Variants in NFIB observed in about 807,000 individuals in gnomAD.
NFIB encodes the protein nuclear factor 1 B-type.
NFIB carries 11 observed loss-of-function variants against 61.5 expected under a neutral mutation model. The ratio of observed to expected loss-of-function variants is 0.18; its 90% CI spans 0.11 to 0.30. NFIB has a LOEUF of 0.30. NFIB is among the 10% of genes least tolerant of loss of function. The pLI is 1.00. For synonymous variants in NFIB, 260 were observed against 216.5 expected, an observed-to-expected ratio of 1.20 and a Z score of -1.76; for missense variants, 471 against 608.9, an observed-to-expected ratio of 0.77 and a Z score of 2.38.
chr9:14,143,804 G>C (rs1272635454), intron 6 of NFIB, among the ~76,000 whole-genome samples: 1 of 152,024 alleles, frequency 6.6e-6, no homozygotes, highest in Non-Finnish European at 1.5e-5. Context: ...AACAACCATT[G>C]GGCATTTTAT....
At chr9:14,486,024 C>T in the NFIB span, among the ~76,000 whole-genome samples, 1 of 152,092 alleles carries the variant, frequency 6.6e-6, no homozygotes, top group African/African-American at 2.4e-5. Flanking sequence ...TAGAGTCTTA[C>T]GGACACACAC....
At chr9:14,145,013 T>G (rs1051253879) in intron 6 of NFIB, among the ~76,000 whole-genome samples, 2 of 152,074 alleles carry the variant, frequency 1.3e-5, no homozygotes, top group Non-Finnish European at 2.9e-5. Flanking sequence ...GGATCTGAAG[T>G]AGGGGAATAA....
the NFIB span, among the ~76,000 whole-genome samples, chr9:14,409,746 AG>A: frequency 1.3e-5 from 2 of 152,230 alleles, no homozygotes; most frequent in Non-Finnish European, 2.9e-5. Flanking sequence ...AATCACACAA[AG>A]AAAAGAACTT....
At chr9:14,208,165 C>T (rs1328855352) in intron 2 of NFIB, among the ~76,000 whole-genome samples, 1 of 152,116 alleles carries the variant, frequency 6.6e-6, no homozygotes, top group East Asian at 1.9e-4. Flanking sequence ...ATTTTAATGA[C>T]CTCAGGGTAG....
the NFIB span, among the ~76,000 whole-genome samples, chr9:14,458,555 T>A: frequency 1.2e-3 from 181 of 152,258 alleles, no homozygotes; most frequent in African/African-American, 4.2e-3. Flanking sequence ...GGCATTCAAT[T>A]AGGAAAAGAG....
intron 1 of NFIB, among the ~76,000 whole-genome samples, chr9:14,339,988 A>G (rs1358782573): frequency 6.6e-6 from 1 of 152,212 alleles, no homozygotes; most frequent in African/African-American, 2.4e-5. Context: ...AGGCTGGAGT[A>G]TATAGAGTTT....
chr9:14,182,620 C>G (rs1205941646), intron 2 of NFIB, among the ~76,000 whole-genome samples: 2 of 149,672 alleles, frequency 1.3e-5, no homozygotes, highest in East Asian at 3.9e-4. Flanking sequence ...CCACCTAGGT[C>G]AAATTACTCT....
intron 2 of NFIB, among the ~76,000 whole-genome samples, chr9:14,225,001 C>T (rs553025002): frequency 2.0e-5 from 3 of 152,218 alleles, no homozygotes; most frequent in South Asian, 2.1e-4. Context: ...TAGTCCTCAA[C>T]TTTTGCATTA....
At chr9:14,194,261 A>C (rs1047854058) in intron 2 of NFIB, among the ~76,000 whole-genome samples, 2 of 152,214 alleles carry the variant, frequency 1.3e-5, no homozygotes, top group African/African-American at 4.8e-5. Context: ...TTCACTTTTT[A>C]TGTTTTCCCA....
chr9:14,223,197 C>T (rs1005921219), intron 2 of NFIB, among the ~76,000 whole-genome samples: 2 of 152,178 alleles, frequency 1.3e-5, no homozygotes, highest in African/African-American at 4.8e-5. Context: ...TAAATAAAAG[C>T]TCAGGGAGGG....
At chr9:14,325,671 A>T (rs1212333279) in intron 1 of NFIB, among the ~76,000 whole-genome samples, 1 of 152,094 alleles carries the variant, frequency 6.6e-6, no homozygotes, top group Non-Finnish European at 1.5e-5. Context: ...TATATTATTA[A>T]AGGGTACACA....
intron 2 of NFIB, among the ~76,000 whole-genome samples, chr9:14,250,638 C>T (rs1049018779): frequency 5.9e-5 from 9 of 152,138 alleles, no homozygotes; most frequent in African/African-American, 1.9e-4. Context: ...GAGAGTATGC[C>T]TTAGGAAATA....
At chr9:14,112,903 G>A in intron 10 of NFIB, 96 bp downstream of exon 10, 2 of 1,149,666 alleles carry the variant, frequency 1.7e-6, no homozygotes, top group Non-Finnish European at 2.5e-6. Context: ...AGAAGCCCCG[G>A]GAGCCCCCTT....
At chr9:14,265,736 G>C (rs1033496214) in intron 2 of NFIB, among the ~76,000 whole-genome samples, 12 of 152,136 alleles carry the variant, frequency 7.9e-5, no homozygotes, top group Non-Finnish European at 1.8e-4. Context: ...AACATGTATT[G>C]AGCATCACCT....
At chr9:14,398,747 G>T in exon 1 of NFIB, 1 of 665,086 alleles carries the variant, frequency 1.5e-6, no homozygotes, top group Non-Finnish European at 2.5e-6. Context: ...TCATAGGAAT[G>T]AACAGGCAGA....
At chr9:14,228,092 A>G (rs1400128034) in intron 2 of NFIB, among the ~76,000 whole-genome samples, 2 of 152,164 alleles carry the variant, frequency 1.3e-5, no homozygotes, top group Non-Finnish European at 2.9e-5. Context: ...AGTAGAAGGA[A>G]TCTAAAGCTA....
chr9:14,180,669 C>G (rs906313507), intron 2 of NFIB: 2 of 152,148 alleles, frequency 1.3e-5, no homozygotes, highest in Admixed American at 1.3e-4. Context: ...TTGCGAGTTG[C>G]TTTGTAATCT....
chr9:14,168,928 C>T (rs999325654), intron 3 of NFIB, among the ~76,000 whole-genome samples: 3 of 152,178 alleles, frequency 2.0e-5, no homozygotes, highest in Non-Finnish European at 4.4e-5. Flanking sequence ...TATAAGGTAA[C>T]ATTATTCATG....
rs1268485383 is a variant in NFIB at position 14,084,576 on chromosome 9, A to AAG, written c.*3732_*3733insCT. 1.3e-5 allele frequency: 3 copies of AAG among 228,290 alleles called. No homozygotes were observed. The highest frequency in any genetic ancestry group is 6.7e-5 in the African/African-American group (3 of 45,016). 14.1% of individuals were successfully genotyped at this position (228,290 alleles called of 1,614,324 possible). A position where few individuals can be genotyped will look rare whatever the true frequency, so the allele number is the denominator to read the frequency against. ...TCACTCCAGGGGTAACACGCTTCAG[A>AAG]GGCACTGTGAGTGGTGGGTGGCAGG... On this transcript the variant is annotated 3_prime_UTR_variant, in exon 11 of 11. Coordinates refer to ENST00000380953, the MANE Select transcript of NFIB (RefSeq NM_001190737.2).
Sources: allele counts gnomAD v4.1 joint callset (sites outside exome capture counted in the v4.1 genomes callset), GRCh38; gene constraint gnomAD v4.1.1; transcripts MANE v1.5; gene names NCBI Gene and HGNC (gene_info 2026-07-23, HGNC 2026-07-21).